GARIN5A: variants seen among roughly 807,000 people sequenced by gnomAD.
GARIN5A encodes Golgi-associated RAB2 interactor protein 5A.
At chr19:50,476,342 C>T in the GARIN5A span, 1 of 1,581,858 alleles carries the variant, frequency 6.3e-7, no homozygotes, top group South Asian at 1.2e-5. Flanking sequence ...TGATGACGTC[C>T]CTGGAGGGGG....
chr19:50,472,177 T>C, the GARIN5A span, among the ~76,000 whole-genome samples: 115 of 127,128 alleles, frequency 9.0e-4, 3 homozygotes, highest in African/African-American at 1.4e-3. Context: ...CGTGTGTATA[T>C]GTATGTATAC....
At chr19:50,475,660 G>A in the GARIN5A span, among the ~76,000 whole-genome samples, 2 of 152,278 alleles carry the variant, frequency 1.3e-5, no homozygotes, top group Admixed American at 1.3e-4. Context: ...TTACAGGCCA[G>A]GGTTCACAAA....
the GARIN5A span, chr19:50,476,157 C>T: frequency 2.5e-6 from 4 of 1,613,630 alleles, no homozygotes; most frequent in East Asian, 2.2e-5. Flanking sequence ...TCCACCTCGC[C>T]AGCTCCACCC....
chr19:50,467,723 G>A, the GARIN5A span: 2 of 1,602,536 alleles, frequency 1.2e-6, no homozygotes, highest in Non-Finnish European at 1.7e-6. Flanking sequence ...GTCTTGAGTG[G>A]GGCCCGCAGC....
chr19:50,476,640 C>T, the GARIN5A span: 1 of 1,543,422 alleles, frequency 6.5e-7, no homozygotes, highest in East Asian at 2.4e-5. Flanking sequence ...GCTGCCGGGC[C>T]GGGACTGGTG....
At chr19:50,470,588 G>A in the GARIN5A span, among the ~76,000 whole-genome samples, 2 of 151,616 alleles carry the variant, frequency 1.3e-5, no homozygotes, top group African/African-American at 2.4e-5. Flanking sequence ...AATACAAAAC[G>A]GATATGGGTG....
At chr19:50,468,073 A>G in the GARIN5A span, among the ~76,000 whole-genome samples, 3 of 152,166 alleles carry the variant, frequency 2.0e-5, no homozygotes, top group Admixed American at 2.0e-4. Context: ...TGAAATTTCC[A>G]TCTGGGGCCA....
At chr19:50,468,742 T>G in the GARIN5A span, among the ~76,000 whole-genome samples, 1 of 152,140 alleles carries the variant, frequency 6.6e-6, no homozygotes, top group African/African-American at 2.4e-5. Flanking sequence ...CAGCTGGGAC[T>G]ATACGCGCAC....
chr19:50,467,950 A>G, the GARIN5A span: 1 of 831,124 alleles, frequency 1.2e-6, no homozygotes, highest in Non-Finnish European at 1.9e-6. Flanking sequence ...TTCCACTTTC[A>G]TTGCCTCTTG....
chr19:50,475,416 C>G, the GARIN5A span: 1 of 1,610,028 alleles, frequency 6.2e-7, no homozygotes, highest in Non-Finnish European at 8.5e-7. Context: ...GCTGCCACCC[C>G]CATGGTGACC....
the GARIN5A span, among the ~76,000 whole-genome samples, chr19:50,467,394 C>T: frequency 6.6e-6 from 1 of 151,882 alleles, no homozygotes; most frequent in Non-Finnish European, 1.5e-5. Context: ...GTCCAGGCCC[C>T]AGCCCCTCCT....
chr19:50,471,945 T>C, the GARIN5A span, among the ~76,000 whole-genome samples: 2 of 149,428 alleles, frequency 1.3e-5, no homozygotes, highest in Admixed American at 6.6e-5. Context: ...TGTGTAAGTA[T>C]ATATACATGT....
chr19:50,476,580 C>A, the GARIN5A span: 1 of 1,575,796 alleles, frequency 6.3e-7, no homozygotes, highest in Non-Finnish European at 8.6e-7. Context: ...CCCGGCTGCT[C>A]CTGCTCTTGC....
the GARIN5A span, chr19:50,467,562 C>T: frequency 6.5e-7 from 1 of 1,534,126 alleles, no homozygotes; most frequent in South Asian, 1.2e-5. Context: ...TCACCTCCTC[C>T]CACTCCCTCT....
the GARIN5A span, among the ~76,000 whole-genome samples, chr19:50,475,116 G>A: frequency 6.6e-6 from 1 of 152,222 alleles, no homozygotes; most frequent in African/African-American, 2.4e-5. Context: ...GCTGAGGACT[G>A]TCCCCTTCAG....
chr19:50,471,728 GCACGTGTGTGTATACGCATA>G, the GARIN5A span, among the ~76,000 whole-genome samples: 2 of 145,914 alleles, frequency 1.4e-5, no homozygotes, highest in African/African-American at 2.7e-5. Flanking sequence ...ACGCATACAT[GCACGTGTGTGTATACGCATA>G]CATGCATGTG....
the GARIN5A span, among the ~76,000 whole-genome samples, chr19:50,470,636 G>A: frequency 2.6e-5 from 4 of 150,986 alleles, no homozygotes; most frequent in East Asian, 1.9e-4. Flanking sequence ...GAGAAGTGGC[G>A]TATGGCTTGT....
At chr19:50,475,470 C>T in the GARIN5A span, 4 of 1,596,720 alleles carry the variant, frequency 2.5e-6, no homozygotes, top group Non-Finnish European at 2.6e-6. Context: ...GGCCAGAGGT[C>T]AGAGGTCGGG....
the GARIN5A span, among the ~76,000 whole-genome samples, chr19:50,468,933 CTT>C: frequency 1.3e-5 from 2 of 152,122 alleles, no homozygotes; most frequent in Non-Finnish European, 2.9e-5. Flanking sequence ...AATCCAAACT[CTT>C]TTAACTCCCT....
Sources: allele counts gnomAD v4.1 joint callset (sites outside exome capture counted in the v4.1 genomes callset), GRCh38; gene constraint gnomAD v4.1.1; transcripts MANE v1.5; gene names NCBI Gene and HGNC (gene_info 2026-07-23, HGNC 2026-07-21).